The following BRSK1 variants were observed in gnomAD, a reference collection of about 807,000 sequenced individuals.
BRSK1 encodes BR serine/threonine kinase 1, also known as serine/threonine-protein kinase BRSK1.
Under a neutral mutation model 86.2 loss-of-function variants are expected in BRSK1, and 17 were observed. The observed-to-expected ratio is 0.20, with a 90% CI of 0.14 to 0.30. The LOEUF is 0.30. Among genes scored for constraint, BRSK1 ranks in the 10% least tolerant of loss-of-function variants. The pLI is 1.00. For missense variants in BRSK1, 719 were observed against 1,071.9 expected, an observed-to-expected ratio of 0.67 and a Z score of 4.60; for synonymous variants, 464 against 440.1, an observed-to-expected ratio of 1.05 and a Z score of -0.68.
Position 55,286,757 on chromosome 19 carries a change from G to A in BRSK1, c.137-250G>A, listed in dbSNP as rs541587718. 4.3e-3 allele frequency among the ~76,000 whole-genome samples: 646 copies of A among 151,946 alleles called. 5 individuals are homozygous for A. The highest frequency in any genetic ancestry group is 5.8e-3 in the Non-Finnish European group (393 of 67,936). The stretch of plus-strand genomic sequence containing the variant: ...ACGGAGAGGGTGAGGGCCAGGGGGT[G>A]GCTGGCAGAGGAGAGGGGCACCTGG... On this transcript the variant is annotated intron_variant, in intron 1 of 18. Coordinates refer to ENST00000309383, the MANE Select transcript of BRSK1 (RefSeq NM_032430.2).
chr19:55,296,828 A>G (rs1452568385), intron 7 of BRSK1, among the ~76,000 whole-genome samples: 2 of 151,856 alleles, frequency 1.3e-5, no homozygotes, highest in African/African-American at 4.8e-5. Context: ...AGCCTGGGCG[A>G]CAGAGCGAGA....
At chr19:55,296,756 G>A (rs1045555257) in intron 7 of BRSK1, among the ~76,000 whole-genome samples, 7 of 152,112 alleles carry the variant, frequency 4.6e-5, no homozygotes, top group African/African-American at 1.2e-4. Context: ...GCTGAGGCAG[G>A]AGAATGGTGT....
Position 55,304,512 on chromosome 19 carries a change from G to C in BRSK1, c.1348-39G>C. On this transcript the variant is annotated intron_variant, in intron 13 of 18. Transcript: ENST00000309383. The surrounding 1 kb of genome is among the most constrained non-coding windows in gnomAD (Gnocchi z 5.2). ...GGGCTCCTAGAGCCTCCTGGGAGTTGTAGTCCACTCGCTTATCTCAGTCTC... is the reference window on the plus strand; with the variant it reads ...GGGCTCCTAGAGCCTCCTGGGAGTTCTAGTCCACTCGCTTATCTCAGTCTC... 1 of 1,509,520 alleles carries C rather than the reference G, an allele frequency of 6.6e-7. No individual in the cohort carries two copies. The highest frequency in any genetic ancestry group is 2.4e-5 in the Admixed American group (1 of 41,934). 93.5% of individuals were successfully genotyped at this position (1,509,520 alleles called of 1,614,324 possible).
In BRSK1 at chr19:55,302,811, A is replaced by C; in HGVS notation, c.972A>C (p.Ala324=). Residue 324 remains alanine (A), a synonymous_variant, in exon 10 of 19, where the codon GCA becomes GCC. Coordinates refer to ENST00000309383, the MANE Select transcript of BRSK1 (RefSeq NM_032430.2). The surrounding 1 kb of genome is among the most constrained non-coding windows in gnomAD (Gnocchi z 6.3). ...ELDPDVLESM[A]SLGCFRDRER... The stretch of plus-strand genomic sequence containing the variant: ...ACCCCGACGTCCTAGAGAGCATGGC[A>C]TCACTGGGCTGCTTCAGGGACCGCG... 6.2e-7 allele frequency: 1 copy of C among 1,613,862 alleles called. No homozygotes were observed. The highest frequency in any genetic ancestry group is 8.5e-7 in the Non-Finnish European group (1 of 1,179,960).
intron 18 of BRSK1, among the ~76,000 whole-genome samples, chr19:55,311,097 G>C (rs1348261768): frequency 6.6e-6 from 1 of 152,068 alleles, no homozygotes; most frequent in Non-Finnish European, 1.5e-5. Flanking sequence ...GAGTAGCTGG[G>C]ATTACAGGTG....
rs182987265 is a variant in BRSK1, at chr19:55,287,188, G to C, written c.232-26G>C. 2 of 1,613,770 alleles carry C rather than the reference G, an allele frequency of 1.2e-6. No individual in the cohort carries two copies. Among genetic ancestry groups the C allele is most frequent in the East Asian group, 2.2e-5 (1 of 44,868 alleles). On this transcript the variant is annotated intron_variant, in intron 2 of 18. Transcript: ENST00000309383. This position sits in a 1 kb window ranked among gnomAD's most constrained non-coding sequence, Gnocchi z 5.3. ...CGGGGCCGTGCTGACCTCTTTTCCC[G>C]TGTCCCCACCCCTCTTGACCCTCAG...
In BRSK1 at chr19:55,302,789, C is replaced by G; in HGVS notation, c.950C>G (p.Pro317Arg). The change falls in exon 10 of 19, where the codon CCC (proline) becomes CGC (arginine). Residue 317 changes from proline (P) to arginine (R), a missense_variant. Pro to Arg is a moderately radical substitution (Grantham distance 103). This residue lies in a region of BRSK1 where 168 missense variants were observed against 246.3 expected (regional missense o/e 0.68). Transcript: ENST00000309383. This position sits in a 1 kb window ranked among gnomAD's most constrained non-coding sequence, Gnocchi z 6.3. Reference protein sequence around the residue: ...RSLPSNGELDPDVLESMASLG... With the variant: ...RSLPSNGELDRDVLESMASLG... Reference sequence around the variant, plus strand: ...CTGCCATCCAACGGAGAGCTGGACCCCGACGTCCTAGAGAGCATGGCATCA... The same window carrying G: ...CTGCCATCCAACGGAGAGCTGGACCGCGACGTCCTAGAGAGCATGGCATCA... 1 of 1,613,844 alleles carries G rather than the reference C, an allele frequency of 6.2e-7. No homozygotes were observed. The highest frequency in any genetic ancestry group is 1.1e-5 in the South Asian group (1 of 91,088).
Position 55,286,026 on chromosome 19 carries a change from A to G in BRSK1, c.137-981A>G, listed in dbSNP as rs7258442. ...ACTGGGGGTCTGGAGTGCTGAGTCT[A>G]AGGGAGGAGGGGCTGGGGGTCTGGA... On this transcript the variant is annotated intron_variant, in intron 1 of 18. Transcript: ENST00000309383. Among the ~76,000 whole-genome samples, 279 of 55,812 alleles carry G rather than the reference A, an allele frequency of 5.0e-3. 5 individuals are homozygous for G. The highest frequency in any genetic ancestry group is 0.015 in the African/African-American group (226 of 15,076). The allele number at this position is 55,812 out of a possible 152,430, so 36.6% of individuals were successfully genotyped here. A position where few individuals can be genotyped will look rare whatever the true frequency, so the allele number is the denominator to read the frequency against.
rs534978535 is a variant in BRSK1, at chr19:55,284,773, G to C, written c.136+195G>C. ...GGGCGCAGACTCAGGTCCTGGAGGA[G>C]AGGGGCTGGGGGCCTGGACTCCTGG... On this transcript the variant is annotated intron_variant, in intron 1 of 18. Transcript: ENST00000309383. Among the ~76,000 whole-genome samples, 7 of 151,998 alleles carry C rather than the reference G, an allele frequency of 4.6e-5. No homozygotes were observed. The South Asian group carries it at 1.5e-3, about 32-fold the overall frequency.
intron 7 of BRSK1, among the ~76,000 whole-genome samples, chr19:55,295,447 A>G (rs1412932960): frequency 6.6e-6 from 1 of 152,116 alleles, no homozygotes; most frequent in Admixed American, 6.6e-5. Context: ...TTTCACTGGT[A>G]ATGGGAAAGA....
chr19:55,308,788 G>C, intron 18 of BRSK1, 60 bp downstream of exon 18: 1 of 143,176 alleles, frequency 7.0e-6, no homozygotes, highest in Non-Finnish European at 1.2e-5. Flanking sequence ...GGGTGGCGGG[G>C]GGCGTGGGTG....
At chr19:55,307,575 T>G (rs566237480) in intron 17 of BRSK1, among the ~76,000 whole-genome samples, 1 of 140,026 alleles carries the variant, frequency 7.1e-6, no homozygotes, top group South Asian at 2.3e-4. Context: ...AAGGCTAATA[T>G]GCAGACCTTT....
rs116756547 is a variant in BRSK1, at chr19:55,304,392, T to C, written c.1348-159T>C. ...TCAGCCCACAGCATGATAGAAAGTC[T>C]TTGCTATCCTTGCTCTGGGGCCTGG... On this transcript the variant is annotated intron_variant, in intron 13 of 18. Transcript: ENST00000309383. This position sits in a 1 kb window ranked among gnomAD's most constrained non-coding sequence, Gnocchi z 5.2. Among the ~76,000 whole-genome samples, 870 of 152,260 alleles carry C rather than the reference T, an allele frequency of 5.7e-3. 6 individuals are homozygous for C. Among genetic ancestry groups the C allele is most frequent in the African/African-American group, 0.02 (827 of 41,532 alleles).
chr19:55,287,365 T>C lies in BRSK1; in HGVS notation c.317+66T>C. ...CTCCAGGTTACCAGGGTGGGACTTCTCCAGAAACAGGGCCTAGGGGGACCT... is the reference window on the plus strand; with the variant it reads ...CTCCAGGTTACCAGGGTGGGACTTCCCCAGAAACAGGGCCTAGGGGGACCT... On this transcript the variant is annotated intron_variant, in intron 3 of 18. Transcript: ENST00000309383. This position sits in a 1 kb window ranked among gnomAD's most constrained non-coding sequence, Gnocchi z 5.3. 6.6e-7 allele frequency: 1 copy of C among 1,507,350 alleles called. No homozygotes were observed. The highest frequency in any genetic ancestry group is 9.2e-7 in the Non-Finnish European group (1 of 1,085,402). 93.4% of individuals were successfully genotyped at this position (1,507,350 alleles called of 1,614,324 possible). A position where few individuals can be genotyped will look rare whatever the true frequency, so the allele number is the denominator to read the frequency against.
In BRSK1 at chr19:55,287,044, G is replaced by A. The variant is rs778027288; in HGVS notation, c.174G>A (p.Gln58=). ...TCGGGGTCCACTGCATCACGGGTCA[G>A]AAGGTCGCCATCAAGATCGTGAACC... ...VKLGVHCITG[Q]KVAIKIVNRE... The change falls in exon 2 of 19, where the codon CAG becomes CAA. Residue 58 remains glutamine, a synonymous_variant. Coordinates refer to ENST00000309383, the MANE Select transcript of BRSK1 (RefSeq NM_032430.2). The surrounding 1 kb of genome is among the most constrained non-coding windows in gnomAD (Gnocchi z 5.3). The A allele has an allele frequency of 2.2e-5, 36 of 1,613,722 alleles. No homozygotes were observed. Among genetic ancestry groups the A allele is most frequent in the Admixed American group, 8.3e-5 (5 of 59,960 alleles).
rs781751534 is a variant in BRSK1 at position 55,305,311 on chromosome 19, CCCCT to C, written c.1718-9_1718-6del. ...GGTGTTGACCACGTTCTCTGCCTTC[CCCCT>C]ACCAGTCCCTACCGCTGAGGAGATG... is the stretch of plus-strand genomic sequence containing the variant. On this transcript the variant is annotated splice_region_variant and splice_polypyrimidine_tract_variant and intron_variant, in intron 14 of 18. Transcript: ENST00000309383. The C allele has an allele frequency of 4.3e-6, 7 of 1,613,850 alleles. No individual in the cohort carries two copies. Among genetic ancestry groups the C allele is most frequent in the Non-Finnish European group, 5.1e-6 (6 of 1,180,004 alleles).
In BRSK1 at chr19:55,302,904, TG is replaced by T. The variant is rs747494431; in HGVS notation, c.1028+41del. 8.8e-6 allele frequency: 14 copies of T among 1,589,238 alleles called. No individual in the cohort carries two copies. In the South Asian group the frequency reaches 1.6e-4, roughly 18 times the overall value. ...AGACCCCTGCACCCGTGTACCCACGTGGGGCGAGCTGCAGCAGCTCCCTGCG... is the reference window on the plus strand; with the variant it reads ...AGACCCCTGCACCCGTGTACCCACGTGGGCGAGCTGCAGCAGCTCCCTGCG... On this transcript the variant is annotated intron_variant, in intron 10 of 18. Coordinates refer to ENST00000309383, the MANE Select transcript of BRSK1 (RefSeq NM_032430.2). The surrounding 1 kb of genome is among the most constrained non-coding windows in gnomAD (Gnocchi z 6.3).
At chr19:55,299,467 C>G (rs577441728) in intron 7 of BRSK1, among the ~76,000 whole-genome samples, 1 of 149,528 alleles carries the variant, frequency 6.7e-6, no homozygotes, top group East Asian at 2.0e-4. Flanking sequence ...CTCACTGCAG[C>G]CTCCGCCTCC....
Position 55,312,053 on chromosome 19 carries a change from G to A in BRSK1, c.2322G>A (p.Gly774=), listed in dbSNP as rs113284733. The change falls in exon 19 of 19, where the codon GGG becomes GGA. Residue 774 remains glycine (G), a synonymous_variant. Transcript: ENST00000309383. ...ACAAGAAGCTCCTGGCCACCAACGG[G>A]ACCCCTCTGCCCTGACCCCACGGGG... ...PKDKKLLATN[G]TPLP is the part of the protein sequence containing the mutation. The A allele has an allele frequency of 6.8e-7, 1 of 1,477,312 alleles. No individual in the cohort carries two copies. 91.5% of individuals were successfully genotyped at this position (1,477,312 alleles called of 1,614,324 possible).
Sources: gnomAD v4.1 joint callset for allele counts (sites outside exome capture counted in the v4.1 genomes callset) on GRCh38, gnomAD v4.1.1 for gene constraint, gnomAD v4.1.1 regional missense constraint, Gnocchi (gnomAD v3.1) non-coding constraint, MANE v1.5 for transcripts, NCBI Gene and HGNC (gene_info 2026-07-23, HGNC 2026-07-21) for gene names.